The following KCTD21 variants were observed in gnomAD, a reference collection of about 807,000 sequenced individuals.
KCTD21 encodes the protein potassium channel tetramerization domain containing 21.
In KCTD21, 9 loss-of-function variants were observed where a neutral mutation model predicts 13.2. The observed-to-expected ratio is 0.68, with a 90% CI of 0.41 to 1.19. The LOEUF (loss-of-function observed/expected upper bound fraction) is 1.19, where lower values mean the gene tolerates loss of function less well. Ranked by LOEUF, KCTD21 falls within the 50% of genes most tolerant of loss-of-function variation. The pLI is 0.01. For missense variants in KCTD21, 303 were observed against 336.5 expected (o/e 0.90, Z 0.78); for synonymous variants, 142 against 137.4 (o/e 1.03, Z -0.23).
intron 1 of KCTD21, among the ~76,000 whole-genome samples, chr11:78,182,305 C>T (rs963279351): frequency 3.4e-5 from 5 of 146,760 alleles, no homozygotes; most frequent in Admixed American, 1.3e-4. Context: ...GCACCCCCCC[C>T]CCCTCAAAAT....
At chr11:78,176,723 G>A (rs1389940859) in intron 1 of KCTD21, among the ~76,000 whole-genome samples, 1 of 152,220 alleles carries the variant, frequency 6.6e-6, no homozygotes, top group African/African-American at 2.4e-5. Context: ...GGCAGACACA[G>A]TGGCTCATGC....
chr11:78,175,845 T>G (rs1170830146), intron 1 of KCTD21, among the ~76,000 whole-genome samples: 1 of 152,110 alleles, frequency 6.6e-6, no homozygotes, highest in Non-Finnish European at 1.5e-5. Context: ...AACTCGTCAT[T>G]TAGCATTAGG....
At chr11:78,179,046 C>A (rs903454171) in intron 1 of KCTD21, among the ~76,000 whole-genome samples, 25 of 152,206 alleles carry the variant, frequency 1.6e-4, no homozygotes, top group Non-Finnish European at 3.1e-4. Flanking sequence ...CTGATAAGAA[C>A]CTCAAATGGG....
chr11:78,174,658 G>T, intron 1 of KCTD21, 75 bp from the exon 2 acceptor site: 1 of 1,017,268 alleles, frequency 9.8e-7, no homozygotes, highest in Non-Finnish European at 1.4e-6. Context: ...ACTCCTTATT[G>T]TACATCAAGC....
In KCTD21 at chr11:78,173,970, C is replaced by G. The variant is rs1483706502; in HGVS notation, c.585G>C (p.Leu195=). Residue 195 remains leucine, a synonymous_variant, in exon 2 of 2, where the codon CTG becomes CTC. Transcript: ENST00000340067. ...TLDWVANVEG[L]PEEEYTKQNL... ...TCTGCTTGGTGTACTCCTCCTCTGG[C>G]AGGCCCTCCACATTGGCCACCCAGT... is the stretch of plus-strand genomic sequence containing the variant. 32 of 1,613,942 alleles carry G rather than the reference C, an allele frequency of 2.0e-5. No individual in the cohort carries two copies. Among genetic ancestry groups the G allele is most frequent in the Non-Finnish European group, 2.6e-5 (31 of 1,180,032 alleles).
At chr11:78,186,204 G>A (rs915934006) in intron 1 of KCTD21, among the ~76,000 whole-genome samples, 2 of 148,628 alleles carry the variant, frequency 1.3e-5, no homozygotes, top group African/African-American at 5.1e-5. Context: ...ATGAGACCTC[G>A]TTTCTATAGA....
At chr11:78,188,174 G>T in intron 1 of KCTD21, 1 of 985,262 alleles carries the variant, frequency 1.0e-6, no homozygotes, top group African/African-American at 1.7e-5. Flanking sequence ...CACCCAGGCT[G>T]GCCTCATCGG....
chr11:78,187,163 A>G (rs759218386), intron 1 of KCTD21: 32 of 985,314 alleles, frequency 3.2e-5, no homozygotes, highest in Non-Finnish European at 3.6e-5. Context: ...CAATGCTCAG[A>G]GTGAGTACTG....
intron 1 of KCTD21, among the ~76,000 whole-genome samples, chr11:78,184,162 C>G (rs1358518095): frequency 6.6e-6 from 1 of 152,162 alleles, no homozygotes; most frequent in East Asian, 1.9e-4. Flanking sequence ...ATAGAGAGAT[C>G]AGGTTGCCAT....
intron 1 of KCTD21, chr11:78,188,174 G>A: frequency 3.0e-6 from 3 of 985,262 alleles, no homozygotes; most frequent in African/African-American, 1.7e-5. Flanking sequence ...CACCCAGGCT[G>A]GCCTCATCGG....
intron 1 of KCTD21, chr11:78,175,427 C>G (rs1288552778): frequency 1.3e-5 from 2 of 151,970 alleles, no homozygotes. Flanking sequence ...ATTCATTCCT[C>G]AAGCTCAGAA....
intron 1 of KCTD21, chr11:78,187,875 A>G (rs1862839874): frequency 2.0e-6 from 2 of 985,268 alleles, no homozygotes; most frequent in African/African-American, 3.5e-5. Flanking sequence ...CTTTGAAGTA[A>G]GGAGTCCTGA....
intron 1 of KCTD21, among the ~76,000 whole-genome samples, chr11:78,175,766 G>GT (rs1239935974): frequency 1.3e-5 from 2 of 151,854 alleles, no homozygotes; most frequent in Non-Finnish European, 2.9e-5. Context: ...AAGTTTTAGG[G>GT]TACATGTGCA....
At chr11:78,183,783 C>A (rs1224196832) in intron 1 of KCTD21, among the ~76,000 whole-genome samples, 4 of 151,564 alleles carry the variant, frequency 2.6e-5, no homozygotes, top group Admixed American at 1.3e-4. Flanking sequence ...CTACAGGCGC[C>A]CGCCACCTCG....
At chr11:78,188,552 C>A in intron 1 of KCTD21, 21 bp downstream of exon 1, 1 of 985,552 alleles carries the variant, frequency 1.0e-6, no homozygotes, top group East Asian at 1.1e-4. Flanking sequence ...AGCCCCGCGA[C>A]CCCGGCCGTG....
At chr11:78,176,055 G>T (rs904321226) in intron 1 of KCTD21, among the ~76,000 whole-genome samples, 3 of 152,174 alleles carry the variant, frequency 2.0e-5, no homozygotes, top group African/African-American at 7.2e-5. Flanking sequence ...TCCCTACAAA[G>T]GACATGAACT....
At chr11:78,176,783 C>T (rs1862459537) in intron 1 of KCTD21, 1 of 152,130 alleles carries the variant, frequency 6.6e-6, no homozygotes, top group African/African-American at 2.4e-5. Context: ...CGTTTGAGCT[C>T]AGGAGTTCAA....
At chr11:78,184,359 T>C (rs765123539) in intron 1 of KCTD21, among the ~76,000 whole-genome samples, 26 of 151,920 alleles carry the variant, frequency 1.7e-4, no homozygotes, top group African/African-American at 2.4e-4. Context: ...TTATTTGAGA[T>C]AGAGTCACAC....
intron 1 of KCTD21, chr11:78,188,145 G>A: frequency 1.0e-6 from 1 of 985,284 alleles, no homozygotes; most frequent in Non-Finnish European, 1.2e-6. Context: ...CTGTGTCTCC[G>A]CCCTTCCTTC....
Sources: allele counts gnomAD v4.1 joint callset (sites outside exome capture counted in the v4.1 genomes callset), GRCh38; gene constraint gnomAD v4.1.1; transcripts MANE v1.5; gene names NCBI Gene and HGNC (gene_info 2026-07-23, HGNC 2026-07-21).